The following SIRT1 variants were observed in gnomAD, a reference collection of about 807,000 sequenced individuals.
SIRT1 encodes the protein sirtuin 1, also known as NAD-dependent protein deacetylase sirtuin-1.
Under a neutral mutation model 67.9 loss-of-function variants are expected in SIRT1, and 24 were observed. The observed-to-expected ratio is 0.35, with a 90% CI of 0.26 to 0.50. The LOEUF (loss-of-function observed/expected upper bound fraction) is 0.50, where lower values mean the gene tolerates loss of function less well. Among genes scored for constraint, SIRT1 ranks in the 20% least tolerant of loss-of-function variants. SIRT1 has a pLI of 0.98. For synonymous variants in SIRT1, 378 were observed against 350.7 expected (o/e 1.08, Z -0.87); for missense variants, 873 against 937.2 (o/e 0.93, Z 0.89).
Position 67,916,788 on chromosome 10 carries a change from AACT to A in SIRT1, c.*196_*198del, listed in dbSNP as rs2029929287. On this transcript the variant is annotated 3_prime_UTR_variant, in exon 9 of 9. Coordinates refer to ENST00000212015, the MANE Select transcript of SIRT1 (RefSeq NM_012238.5). ...TCTGTACTTGTACAAACTCAACACTAACTTTTTTTTTTTTAAAAAAAAAAAGGT... is the reference window on the plus strand; with the variant it reads ...TCTGTACTTGTACAAACTCAACACTATTTTTTTTTTTAAAAAAAAAAAGGT... The A allele has an allele frequency of 8.1e-6, 3 of 372,568 alleles. No homozygotes were observed. The highest frequency in any genetic ancestry group is 3.7e-5 in the East Asian group (1 of 27,388). The allele number at this position is 372,568 out of a possible 1,614,324, so 23.1% of individuals were successfully genotyped here.
At chr10:67,896,829 C>T (rs1188681661) in intron 4 of SIRT1, among the ~76,000 whole-genome samples, 1 of 151,104 alleles carries the variant, frequency 6.6e-6, no homozygotes, top group Non-Finnish European at 1.5e-5. Context: ...ACCCCAAGTC[C>T]TGACAATAAA....
At chr10:67,894,216 A>G (rs931421014) in intron 4 of SIRT1, among the ~76,000 whole-genome samples, 5 of 152,204 alleles carry the variant, frequency 3.3e-5, no homozygotes, top group Non-Finnish European at 5.9e-5. Context: ...TATGATTACT[A>G]AACTGAATTT....
intron 4 of SIRT1, among the ~76,000 whole-genome samples, chr10:67,897,857 C>G (rs900615615): frequency 2.7e-5 from 4 of 150,366 alleles, no homozygotes; most frequent in Non-Finnish European, 5.9e-5. Flanking sequence ...GGTCATGGTT[C>G]TCAGAAACCT....
Position 67,911,972 on chromosome 10 carries a change from C to T in SIRT1, c.1358-502C>T, listed in dbSNP as rs191921172. Among the ~76,000 whole-genome samples the T allele has an allele frequency of 7.0e-3, 1,068 of 152,126 alleles. 4 individuals carry two copies. Among genetic ancestry groups the T allele is most frequent in the Non-Finnish European group, 9.9e-3 (675 of 67,992 alleles). ...AGAGATGGGGTTTCACCATGTTGGT[C>T]GGGTTGGTCTTGAACTCCTGACCTC... On this transcript the variant is annotated intron_variant, in intron 7 of 8. Coordinates refer to ENST00000212015, the MANE Select transcript of SIRT1 (RefSeq NM_012238.5).
At chr10:67,900,381 G>C (rs545665404) in intron 4 of SIRT1, among the ~76,000 whole-genome samples, 1 of 152,184 alleles carries the variant, frequency 6.6e-6, no homozygotes, top group African/African-American at 2.4e-5. Context: ...CTAACCTCAG[G>C]TGATCCGCCC....
intron 5 of SIRT1, among the ~76,000 whole-genome samples, chr10:67,907,286 A>G (rs1332204959): frequency 6.6e-6 from 1 of 152,130 alleles, no homozygotes; most frequent in Non-Finnish European, 1.5e-5. Flanking sequence ...CATGAAGCCA[A>G]GAGTTCGAGA....
chr10:67,896,620 C>G (rs547806343), intron 4 of SIRT1, among the ~76,000 whole-genome samples: 2 of 151,860 alleles, frequency 1.3e-5, no homozygotes, highest in Non-Finnish European at 2.9e-5. Context: ...CATGGTGAAA[C>G]CCTGTCTCTA....
chr10:67,892,202 T>C (rs192564114), intron 4 of SIRT1, among the ~76,000 whole-genome samples: 6 of 152,354 alleles, frequency 3.9e-5, no homozygotes, highest in East Asian at 1.9e-4. Flanking sequence ...TAAACAAATA[T>C]TGGTTTTTAT....
Position 67,904,123 on chromosome 10 carries a change from G to GTTTTTTTTT in SIRT1, c.943-2664_943-2663insTTTTTTTTT, listed in dbSNP as rs1262495636. Among the ~76,000 whole-genome samples the GTTTTTTTTT allele has an allele frequency of 2.6e-3, 296 of 115,068 alleles. 3 individuals are homozygous for GTTTTTTTTT. The highest frequency in any genetic ancestry group is 3.4e-3 in the Non-Finnish European group (188 of 55,954). 75.5% of individuals were successfully genotyped at this position (115,068 alleles called of 152,430 possible). On this transcript the variant is annotated intron_variant, in intron 4 of 8. Coordinates refer to ENST00000212015, the MANE Select transcript of SIRT1 (RefSeq NM_012238.5). Reference sequence around the variant, plus strand: ...TATTTCAGATTTTTTAGTTTTTTTTGTTTGTTTTTTTTTTTTTTTTTTTTA... The same window carrying GTTTTTTTTT: ...TATTTCAGATTTTTTAGTTTTTTTTGTTTTTTTTTTTTGTTTTTTTTTTTTTTTTTTTTA...
At chr10:67,900,039 AT>A (rs1842717458) in intron 4 of SIRT1, among the ~76,000 whole-genome samples, 1 of 152,118 alleles carries the variant, frequency 6.6e-6, no homozygotes, top group African/African-American at 2.4e-5. Context: ...AGCCAATAAT[AT>A]GCTGCTGTAC....
intron 8 of SIRT1, among the ~76,000 whole-genome samples, chr10:67,913,332 CA>C (rs1842928430): frequency 6.6e-6 from 1 of 152,148 alleles, no homozygotes; most frequent in Non-Finnish European, 1.5e-5. Context: ...AGCTGCTTTA[CA>C]TATGTTACCT....
intron 1 of SIRT1, 88 bp from the exon 2 acceptor site, chr10:67,887,329 C>G: frequency 2.5e-6 from 2 of 812,902 alleles, no homozygotes; most frequent in Non-Finnish European, 4.2e-6. Context: ...AAATGCTGTA[C>G]TCGATGAAAA....
chr10:67,910,439 G>A (rs924706432), intron 7 of SIRT1, among the ~76,000 whole-genome samples: 5 of 152,180 alleles, frequency 3.3e-5, no homozygotes, highest in Non-Finnish European at 5.9e-5. Context: ...GAAAAATTAA[G>A]ACAAAGGTAG....
intron 7 of SIRT1, among the ~76,000 whole-genome samples, chr10:67,910,365 ACT>A: frequency 6.6e-6 from 1 of 152,150 alleles, no homozygotes; most frequent in Admixed American, 6.5e-5. Flanking sequence ...ACAGAGTGGG[ACT>A]CTGTCTCAAA....
At chr10:67,910,717 C>A (rs1255733478) in intron 7 of SIRT1, among the ~76,000 whole-genome samples, 1 of 152,020 alleles carries the variant, frequency 6.6e-6, no homozygotes, top group Admixed American at 6.6e-5. Flanking sequence ...TATAGTTTAC[C>A]CAAAAGGGTG....
intron 4 of SIRT1, among the ~76,000 whole-genome samples, chr10:67,902,874 C>T (rs923266284): frequency 1.3e-5 from 2 of 152,128 alleles, no homozygotes; most frequent in African/African-American, 4.8e-5. Context: ...GCAGGTGGAT[C>T]ACCTGAGGTC....
At chr10:67,893,692 G>A (rs964163390) in intron 4 of SIRT1, among the ~76,000 whole-genome samples, 3 of 152,070 alleles carry the variant, frequency 2.0e-5, no homozygotes, top group African/African-American at 7.2e-5. Context: ...CTACAGGCGC[G>A]TGCTGCCATG....
intron 7 of SIRT1, among the ~76,000 whole-genome samples, chr10:67,911,295 G>C (rs1842895023): frequency 6.6e-6 from 1 of 152,154 alleles, no homozygotes; most frequent in Admixed American, 6.6e-5. Flanking sequence ...CTGGGGACAA[G>C]CAGTCCTTCC....
In SIRT1 at chr10:67,909,223, T is replaced by C. The variant is rs775306227; in HGVS notation, c.1171-33T>C. On this transcript the variant is annotated intron_variant, in intron 6 of 8. Coordinates refer to ENST00000212015, the MANE Select transcript of SIRT1 (RefSeq NM_012238.5). Reference sequence around the variant, plus strand: ...TTCTAACTTGGGCTTACTCTTTGCTTCTCTACCTCAACCAAAATCTGAAAA... The same window carrying C: ...TTCTAACTTGGGCTTACTCTTTGCTCCTCTACCTCAACCAAAATCTGAAAA... 11 of 1,527,926 alleles carry C rather than the reference T, an allele frequency of 7.2e-6. No individual in the cohort carries two copies. In the African/African-American group the frequency reaches 1.5e-4, roughly 21 times the overall value. 94.6% of individuals were successfully genotyped at this position (1,527,926 alleles called of 1,614,324 possible). A position where few individuals can be genotyped will look rare whatever the true frequency, so the allele number is the denominator to read the frequency against.
Sources: gnomAD v4.1 joint callset for allele counts (sites outside exome capture counted in the v4.1 genomes callset) on GRCh38, gnomAD v4.1.1 for gene constraint, MANE v1.5 for transcripts, NCBI Gene and HGNC (gene_info 2026-07-23, HGNC 2026-07-21) for gene names.